Variants in TAFA2 observed in about 807,000 individuals in gnomAD.
The protein encoded by TAFA2 is TAFA chemokine like family member 2, also known as chemokine-like protein TAFA-2.
In TAFA2, 7 loss-of-function variants were observed where a neutral mutation model predicts 18.8. That is an observed-to-expected ratio of 0.37 (90% CI 0.21 to 0.70). TAFA2 has a LOEUF of 0.70. TAFA2 is among the 30% of genes least tolerant of loss of function. TAFA2 has a pLI of 0.53. For synonymous variants in TAFA2, 60 were observed against 54.2 expected (o/e 1.11, Z -0.47); for missense variants, 122 against 158.1 (o/e 0.77, Z 1.23).
intron 1 of TAFA2, among the ~76,000 whole-genome samples, chr12:61,890,726 T>A (rs910839678): frequency 6.6e-6 from 1 of 152,124 alleles, no homozygotes; most frequent in African/African-American, 2.4e-5. Context: ...TGAAAGACAA[T>A]CCATTGCAGG....
intron 1 of TAFA2, among the ~76,000 whole-genome samples, chr12:61,974,013 A>G (rs1309214611): frequency 6.6e-6 from 1 of 151,750 alleles, no homozygotes; most frequent in Non-Finnish European, 1.5e-5. Flanking sequence ...AGGAACAGGA[A>G]TGTGTATTAT....
At chr12:62,241,010 G>C (rs779057054) in intron 1 of TAFA2, among the ~76,000 whole-genome samples, 2 of 152,144 alleles carry the variant, frequency 1.3e-5, no homozygotes, top group African/African-American at 2.4e-5. Flanking sequence ...CAGGAAACCA[G>C]TCCCTGGTGC....
chr12:61,922,542 G>A (rs2121369064), intron 1 of TAFA2, among the ~76,000 whole-genome samples: 1 of 152,366 alleles, frequency 6.6e-6, no homozygotes, highest in African/African-American at 2.4e-5. Context: ...GAAGGACTGT[G>A]CTGTGAGGGA....
At chr12:61,953,864 T>G (rs1279652925) in intron 1 of TAFA2, among the ~76,000 whole-genome samples, 1 of 152,188 alleles carries the variant, frequency 6.6e-6, no homozygotes, top group Admixed American at 6.6e-5. Context: ...AATAGTGCGG[T>G]GTAGTCACCG....
At chr12:61,791,372 A>G (rs760084388) in intron 2 of TAFA2, among the ~76,000 whole-genome samples, 2 of 151,784 alleles carry the variant, frequency 1.3e-5, no homozygotes. Context: ...ATCAAACTTC[A>G]AAACCTTCAG....
In TAFA2 at chr12:61,853,123, T is replaced by A. The variant is rs1873746409; in HGVS notation, c.106+14197A>T. Among the ~76,000 whole-genome samples the A allele has an allele frequency of 2.0e-5, 3 of 152,216 alleles. No homozygotes were observed. In the South Asian group the frequency reaches 6.2e-4, roughly 31 times the overall value. On this transcript the variant is annotated intron_variant, in intron 2 of 4. Transcript: ENST00000416284. ...TCAGCTTGTGGTAATCATTTCATAATGTATACATATATCAAAACATTACAT... is the reference window on the plus strand; with the variant it reads ...TCAGCTTGTGGTAATCATTTCATAAAGTATACATATATCAAAACATTACAT...
At chr12:61,963,137 T>C (rs1447262157) in intron 1 of TAFA2, among the ~76,000 whole-genome samples, 1 of 152,042 alleles carries the variant, frequency 6.6e-6, no homozygotes. Flanking sequence ...GATGGTCATT[T>C]GGGTTGGTTC....
At chr12:62,074,452 AT>A (rs1882710530) in intron 1 of TAFA2, among the ~76,000 whole-genome samples, 1 of 152,208 alleles carries the variant, frequency 6.6e-6, no homozygotes, top group African/African-American at 2.4e-5. Context: ...CTAATTAATA[AT>A]TTATTAAAAT....
At chr12:62,062,850 C>A (rs56085119) in intron 1 of TAFA2, among the ~76,000 whole-genome samples, 1 of 151,938 alleles carries the variant, frequency 6.6e-6, no homozygotes, top group Non-Finnish European at 1.5e-5. Flanking sequence ...AAGGCCTTTC[C>A]CAGCTTTTAA....
chr12:61,721,356 T>C (rs1036547492), intron 4 of TAFA2, among the ~76,000 whole-genome samples: 12 of 152,188 alleles, frequency 7.9e-5, no homozygotes, highest in Non-Finnish European at 1.5e-4. Flanking sequence ...TAATAAATTA[T>C]AATTCAAAGA....
chr12:61,939,430 C>T (rs933496230), intron 1 of TAFA2, among the ~76,000 whole-genome samples: 4 of 151,818 alleles, frequency 2.6e-5, no homozygotes, highest in African/African-American at 9.7e-5. Context: ...GGTTTATTGG[C>T]AAAAAATACT....
intron 2 of TAFA2, among the ~76,000 whole-genome samples, chr12:61,777,644 A>C (rs558937233): frequency 1.3e-5 from 2 of 151,796 alleles, no homozygotes; most frequent in African/African-American, 4.8e-5. Flanking sequence ...CTCAAATTTT[A>C]GCTCTACCAC....
chr12:61,807,121 A>G (rs2120991109), intron 2 of TAFA2, among the ~76,000 whole-genome samples: 1 of 151,108 alleles, frequency 6.6e-6, no homozygotes, highest in South Asian at 2.1e-4. Context: ...TCATAGCAGG[A>G]CCTCCCATTA....
At chr12:62,135,787 G>A (rs991268170) in intron 1 of TAFA2, 3 of 152,030 alleles carry the variant, frequency 2.0e-5, no homozygotes, top group Non-Finnish European at 2.9e-5. Context: ...TATGCAAAAT[G>A]TTATTAGGAA....
intron 1 of TAFA2, among the ~76,000 whole-genome samples, chr12:62,003,058 CCTCTCACCACCATCAT>C (rs1408693279): frequency 1.3e-5 from 2 of 152,136 alleles, no homozygotes; most frequent in Non-Finnish European, 2.9e-5. Flanking sequence ...ACTCCTTTCC[CCTCTCACCACCATCAT>C]CTCTCACCAC....
At chr12:62,110,963 AGGGTTTTTTGT>A (rs940219782) in intron 1 of TAFA2, among the ~76,000 whole-genome samples, 9 of 151,702 alleles carry the variant, frequency 5.9e-5, no homozygotes, top group Non-Finnish European at 1.2e-4. Context: ...ATTTTTTTGA[AGGGTTTTTTGT>A]GTCTGTATTC....
intron 1 of TAFA2, among the ~76,000 whole-genome samples, chr12:62,090,720 G>T (rs1417679405): frequency 6.6e-6 from 1 of 151,872 alleles, no homozygotes; most frequent in African/African-American, 2.4e-5. Context: ...TTTTTCTAAA[G>T]AATATATAAA....
At chr12:61,931,364 T>C (rs1475823040) in intron 1 of TAFA2, among the ~76,000 whole-genome samples, 4 of 152,224 alleles carry the variant, frequency 2.6e-5, no homozygotes, top group African/African-American at 7.2e-5. Context: ...AATATTGTAA[T>C]ATTCCAATTC....
At chr12:62,140,683 T>A (rs982143841) in intron 1 of TAFA2, among the ~76,000 whole-genome samples, 2 of 152,164 alleles carry the variant, frequency 1.3e-5, no homozygotes, top group Non-Finnish European at 2.9e-5. Flanking sequence ...CTGCTTGGTT[T>A]CTCAGGCAGA....
Sources: gnomAD v4.1 joint callset for allele counts (sites outside exome capture counted in the v4.1 genomes callset) on GRCh38, gnomAD v4.1.1 for gene constraint, MANE v1.5 for transcripts, NCBI Gene and HGNC (gene_info 2026-07-23, HGNC 2026-07-21) for gene names.